KDM4B: variants seen among roughly 807,000 people sequenced by gnomAD.
The protein encoded by KDM4B is lysine demethylase 4B.
KDM4B carries 32 observed loss-of-function variants against 125.2 expected under a neutral mutation model. The ratio of observed to expected loss-of-function variants is 0.26; its 90% CI spans 0.19 to 0.34. KDM4B has a LOEUF of 0.34. KDM4B is among the 10% of genes least tolerant of loss of function. The pLI is 1.00. For synonymous variants in KDM4B, 721 were observed against 677.9 expected, an observed-to-expected ratio of 1.06 and a Z score of -0.99; for missense variants, 1,190 against 1,577.7, an observed-to-expected ratio of 0.75 and a Z score of 4.16.
At chr19:4,974,403 AAAAT>A (rs1053899211) in intron 1 of KDM4B, among the ~76,000 whole-genome samples, 10 of 152,108 alleles carry the variant, frequency 6.6e-5, no homozygotes, top group African/African-American at 1.9e-4. Context: ...CTCCATCTCA[AAAAT>A]AAATAAATAA....
In KDM4B at chr19:4,971,069, G is replaced by A. The variant is rs1303335442; in HGVS notation, c.-109+1839G>A. Among the ~76,000 whole-genome samples, 1 of 152,190 alleles carries A rather than the reference G, an allele frequency of 6.6e-6. No individual in the cohort carries two copies. The highest frequency in any genetic ancestry group is 1.5e-5 in the Non-Finnish European group (1 of 68,032). ...GCGTCTACTGTGTCAGGAGCTGCGG[G>A]TGCCTGCGTGTGCACGTGTGTGTTT... On this transcript the variant is annotated intron_variant, in intron 1 of 22. Transcript: ENST00000159111. This position sits in a 1 kb window ranked among gnomAD's most constrained non-coding sequence, Gnocchi z 4.1.
chr19:5,028,259 G>A lies in KDM4B; in HGVS notation c.-25-4607G>A, dbSNP rs2036343836. On this transcript the variant is annotated intron_variant, in intron 2 of 22. Transcript: ENST00000159111. Reference sequence around the variant, plus strand: ...CCCAGAGTTCTGGGATTACAGGTGCGAGCCACTGCACTGGCCACAGTCAGT... The same window carrying A: ...CCCAGAGTTCTGGGATTACAGGTGCAAGCCACTGCACTGGCCACAGTCAGT... Among the ~76,000 whole-genome samples the A allele has an allele frequency of 4.6e-5, 7 of 152,278 alleles. No individual in the cohort carries two copies. The South Asian group carries it at 1.5e-3, about 32-fold the overall frequency.
intron 9 of KDM4B, among the ~76,000 whole-genome samples, chr19:5,109,151 T>C (rs1449922564): frequency 6.6e-6 from 1 of 152,182 alleles, no homozygotes; most frequent in Admixed American, 6.5e-5. Flanking sequence ...CTGAAAACAC[T>C]CAGCGTTTGG....
chr19:5,147,982 G>A (rs2039881282), intron 21 of KDM4B, among the ~76,000 whole-genome samples: 1 of 152,194 alleles, frequency 6.6e-6, no homozygotes, highest in African/African-American at 2.4e-5. Flanking sequence ...CGGGGCGGGT[G>A]GCTGGGGTGG....
chr19:5,107,763 C>G (rs2039063147), intron 9 of KDM4B, among the ~76,000 whole-genome samples: 1 of 152,236 alleles, frequency 6.6e-6, no homozygotes. Flanking sequence ...GTCTCCTCAC[C>G]AGCCCTAGCG....
At chr19:5,108,074 G>A (rs969380510) in intron 9 of KDM4B, among the ~76,000 whole-genome samples, 5 of 152,366 alleles carry the variant, frequency 3.3e-5, no homozygotes, top group Non-Finnish European at 5.9e-5. Flanking sequence ...AGCCCCAGCC[G>A]GGCAAGGGGG....
chr19:5,092,330 CACA>C (rs1462564210), intron 9 of KDM4B, among the ~76,000 whole-genome samples: 1 of 152,190 alleles, frequency 6.6e-6, no homozygotes, highest in East Asian at 1.9e-4. Context: ...CTGTTTCAAC[CACA>C]ACATCGGCAG....
rs111941583 is a variant in KDM4B at position 5,113,786 on chromosome 19, C to T, written c.1115+2968C>T. 6.2e-5 allele frequency: 41 copies of T among 664,688 alleles called. No homozygotes were observed. In the African/African-American group the frequency reaches 7.2e-4, roughly 12 times the overall value. The allele number at this position is 664,688 out of a possible 1,614,324, so 41.2% of individuals were successfully genotyped here. A position where few individuals can be genotyped will look rare whatever the true frequency, so the allele number is the denominator to read the frequency against. On this transcript the variant is annotated intron_variant, in intron 10 of 22. Coordinates refer to ENST00000159111, the MANE Select transcript of KDM4B (RefSeq NM_015015.3). ...CCGCGTGGGAACCCCTGCCCTAGAC[C>T]AAGGGATGGCATCAGGGTGGGCGCC...
At chr19:5,020,315 G>T (rs142578356) in intron 2 of KDM4B, among the ~76,000 whole-genome samples, 1 of 141,604 alleles carries the variant, frequency 7.1e-6, no homozygotes, top group African/African-American at 2.7e-5. Flanking sequence ...GTTGGTGTGG[G>T]TGTTGGTGTG....
At chr19:4,998,940 T>C (rs2035285151) in intron 1 of KDM4B, among the ~76,000 whole-genome samples, 1 of 152,200 alleles carries the variant, frequency 6.6e-6, no homozygotes, top group Non-Finnish European at 1.5e-5. Flanking sequence ...CATGCTAATT[T>C]GTCCCATTTC....
chr19:4,987,665 C>A (rs1165523015), intron 1 of KDM4B, among the ~76,000 whole-genome samples: 2 of 152,158 alleles, frequency 1.3e-5, no homozygotes. Flanking sequence ...GATGGCAATG[C>A]TTCTGCTGTC....
At chr19:5,145,049 A>C in intron 21 of KDM4B, 147 bp downstream of exon 21, 1 of 1,031,320 alleles carries the variant, frequency 9.7e-7, no homozygotes, top group Non-Finnish European at 1.4e-6. Flanking sequence ...CGCAGGACCC[A>C]GCTGAGCCTT....
intron 6 of KDM4B, chr19:5,070,688 TG>T (rs2037918182): frequency 4.0e-6 from 1 of 252,906 alleles, no homozygotes; most frequent in Non-Finnish European, 7.7e-6. Context: ...CCAATACTTT[TG>T]TTTTTTGCCT....
chr19:5,085,838 G>A (rs2038474900), intron 9 of KDM4B, among the ~76,000 whole-genome samples: 1 of 152,230 alleles, frequency 6.6e-6, no homozygotes, highest in African/African-American at 2.4e-5. Context: ...CCCTGACTCT[G>A]GCAGGGTTTT....
intron 9 of KDM4B, among the ~76,000 whole-genome samples, chr19:5,086,378 G>A (rs2038497920): frequency 6.6e-6 from 1 of 152,150 alleles, no homozygotes; most frequent in African/African-American, 2.4e-5. Context: ...GGGGGTTTAC[G>A]TCTTCACAGG....
intron 5 of KDM4B, among the ~76,000 whole-genome samples, chr19:5,046,059 C>T (rs16992771): frequency 0.4 from 61,305 of 152,070 alleles, 13,170 homozygotes; most frequent in East Asian, 0.69. Context: ...TGATTGTTTT[C>T]AAGTGAAAGT....
intron 11 of KDM4B, among the ~76,000 whole-genome samples, chr19:5,122,339 C>T (rs2039376471): frequency 1.3e-5 from 2 of 152,216 alleles, no homozygotes; most frequent in African/African-American, 4.8e-5. Context: ...CCCAGATGCT[C>T]TCCCATGTCA....
At position 5,110,663 on chromosome 19, in the gene KDM4B, G is replaced by A; in HGVS notation, c.960G>A (p.Val320=). The A allele has an allele frequency of 6.2e-7, 1 of 1,613,064 alleles. No homozygotes were observed. Among genetic ancestry groups the A allele is most frequent in the Middle Eastern group, 1.6e-4 (1 of 6,062 alleles). ...ACATGGTCAAGATCTCCATGGACGT[G>A]TTCGTGCGCATCCTGCAGCCCGAGC... ...RKDMVKISMD[V]FVRILQPERY... Residue 320 remains valine (V), a synonymous_variant, in exon 10 of 23, where the codon GTG becomes GTA. Transcript: ENST00000159111.
chr19:5,053,903 C>T (rs2037311195), intron 6 of KDM4B, among the ~76,000 whole-genome samples: 1 of 152,222 alleles, frequency 6.6e-6, no homozygotes, highest in Non-Finnish European at 1.5e-5. Flanking sequence ...TGCTGCGTGG[C>T]CAGGCACACC....
Sources: allele counts gnomAD v4.1 joint callset (sites outside exome capture counted in the v4.1 genomes callset), GRCh38; gene constraint gnomAD v4.1.1; non-coding constraint Gnocchi (gnomAD v3.1); transcripts MANE v1.5; gene names NCBI Gene and HGNC (gene_info 2026-07-23, HGNC 2026-07-21).